The following EIF2AK4 variants were observed in gnomAD, a reference collection of about 807,000 sequenced individuals.
EIF2AK4 encodes eukaryotic translation initiation factor 2 alpha kinase 4, also known as eIF-2-alpha kinase GCN2.
Under a neutral mutation model 211.1 loss-of-function variants are expected in EIF2AK4, and 139 were observed. That is an observed-to-expected ratio of 0.66 (90% CI 0.57 to 0.76). The LOEUF (loss-of-function observed/expected upper bound fraction) is 0.76, where lower values mean the gene tolerates loss of function less well. Ranked by LOEUF, EIF2AK4 falls within the 30% of genes least tolerant of loss-of-function variation. The probability of loss-of-function intolerance (pLI) is 0.00; values close to 1 mark genes in which losing one functional copy is unlikely to be tolerated. For synonymous variants in EIF2AK4, 710 were observed against 751.3 expected, an observed-to-expected ratio of 0.94 and a Z score of 0.90; for missense variants, 1,664 against 2,043.8, an observed-to-expected ratio of 0.81 and a Z score of 3.58.
chr15:39,972,298 T>G (rs1305462833), intron 9 of EIF2AK4, among the ~76,000 whole-genome samples: 1 of 148,146 alleles, frequency 6.8e-6, no homozygotes, highest in African/African-American at 2.5e-5. Flanking sequence ...TGGAATGAGC[T>G]GAGATCACAC....
rs183214101 is a variant in EIF2AK4 at position 39,981,220 on chromosome 15, A to T, written c.2319+3073A>T. On this transcript the variant is annotated intron_variant, in intron 13 of 38. Coordinates refer to ENST00000263791, the MANE Select transcript of EIF2AK4 (RefSeq NM_001013703.4). ...CCCCATCTCTACTAAAAATACAAAA[A>T]TTAGCCAGGCATGGTGGCGGGCACC... 2.6e-5 allele frequency among the ~76,000 whole-genome samples: 4 copies of T among 152,224 alleles called. 1 individual carries two copies. The highest frequency in any genetic ancestry group is 2.6e-4 in the Admixed American group (4 of 15,294).
chr15:40,011,130 A>T (rs1250759861), intron 26 of EIF2AK4, 151 bp from the exon 27 acceptor site: 3 of 527,336 alleles, frequency 5.7e-6, no homozygotes, highest in East Asian at 6.6e-5. Context: ...GGGAGAAAAA[A>T]TTTTTTAATC....
In EIF2AK4 at chr15:39,951,379, C is replaced by T. The variant is rs573102058; in HGVS notation, c.513+2111C>T. On this transcript the variant is annotated intron_variant, in intron 4 of 38. Coordinates refer to ENST00000263791, the MANE Select transcript of EIF2AK4 (RefSeq NM_001013703.4). ...CCCACAGTGGATTCTTAAGCACGCTCTCCATGTATGTGTCATGCTAGCTGG... is the reference window on the plus strand; with the variant it reads ...CCCACAGTGGATTCTTAAGCACGCTTTCCATGTATGTGTCATGCTAGCTGG... 1.0e-4 allele frequency: 27 copies of T among 266,946 alleles called. No homozygotes were observed. The Admixed American group carries it at 1.2e-3, about 12-fold the overall frequency. 16.5% of individuals were successfully genotyped at this position (266,946 alleles called of 1,614,324 possible).
chr15:39,995,034 G>T (rs546742226), intron 18 of EIF2AK4, among the ~76,000 whole-genome samples: 1 of 151,982 alleles, frequency 6.6e-6, no homozygotes, highest in Non-Finnish European at 1.5e-5. Context: ...TAGAGACAGG[G>T]TTTCACCATG....
intron 36 of EIF2AK4, 67 bp from the exon 37 acceptor site, chr15:40,032,690 G>C: frequency 6.8e-7 from 1 of 1,460,324 alleles, no homozygotes; most frequent in Non-Finnish European, 9.5e-7. Flanking sequence ...TGCATTTCAC[G>C]TGACACTATG....
intron 3 of EIF2AK4, among the ~76,000 whole-genome samples, chr15:39,944,809 C>G (rs958857904): frequency 1.3e-5 from 2 of 152,190 alleles, no homozygotes; most frequent in African/African-American, 4.8e-5. Flanking sequence ...TTAGACATAA[C>G]CAAAGATAAC....
At chr15:39,953,679 C>T (rs2034351109) in intron 4 of EIF2AK4, among the ~76,000 whole-genome samples, 2 of 152,150 alleles carry the variant, frequency 1.3e-5, no homozygotes, top group African/African-American at 4.8e-5. Context: ...AGTAAATGCC[C>T]CTCCCCACAC....
intron 33 of EIF2AK4, among the ~76,000 whole-genome samples, chr15:40,028,606 A>G (rs1378768367): frequency 6.6e-6 from 1 of 152,160 alleles, no homozygotes; most frequent in African/African-American, 2.4e-5. Flanking sequence ...ATCCTGGCTT[A>G]CAGAAAACAA....
chr15:39,941,035 G>C (rs1158700887), intron 2 of EIF2AK4, among the ~76,000 whole-genome samples: 2 of 152,108 alleles, frequency 1.3e-5, no homozygotes, highest in African/African-American at 4.8e-5. Context: ...TATTATGAAG[G>C]GTAAGGTGTG....
At chr15:39,980,863 T>G (rs1369800348) in intron 13 of EIF2AK4, among the ~76,000 whole-genome samples, 1 of 152,092 alleles carries the variant, frequency 6.6e-6, no homozygotes, top group African/African-American at 2.4e-5. Context: ...CTGCAATGAC[T>G]TTATTACCAG....
At chr15:40,025,766 A>G (rs2140948675) in intron 32 of EIF2AK4, among the ~76,000 whole-genome samples, 1 of 152,320 alleles carries the variant, frequency 6.6e-6, no homozygotes. Context: ...CCTGTGCATT[A>G]ACAGCATCTC....
intron 19 of EIF2AK4, 81 bp from the exon 20 acceptor site, chr15:39,998,650 T>C: frequency 8.9e-7 from 1 of 1,123,432 alleles, no homozygotes; most frequent in Non-Finnish European, 1.3e-6. Flanking sequence ...TTTCTGTATT[T>C]GATTTTCTTA....
At chr15:40,014,414 T>C (rs1177112752) in intron 27 of EIF2AK4, among the ~76,000 whole-genome samples, 2 of 152,234 alleles carry the variant, frequency 1.3e-5, no homozygotes, top group African/African-American at 4.8e-5. Context: ...TCAATTCTTG[T>C]TTTCCGTGCA....
chr15:39,975,569 G>C (rs571742881), intron 11 of EIF2AK4: 3 of 152,222 alleles, frequency 2.0e-5, no homozygotes, highest in Non-Finnish European at 1.5e-5. Flanking sequence ...ATAAGACTCT[G>C]TAAAAGTTAC....
At chr15:39,986,575 C>T (rs187180022) in intron 14 of EIF2AK4, among the ~76,000 whole-genome samples, 5 of 152,298 alleles carry the variant, frequency 3.3e-5, no homozygotes, top group East Asian at 1.9e-4. Context: ...ACAAGTTGGC[C>T]GGGCACGGTG....
intron 20 of EIF2AK4, among the ~76,000 whole-genome samples, chr15:39,999,339 G>A (rs1009696053): frequency 2.0e-5 from 3 of 152,026 alleles, no homozygotes; most frequent in African/African-American, 7.2e-5. Context: ...AATATTATTG[G>A]TGAATGTGTG....
At chr15:40,021,990 A>G (rs11635537) in intron 31 of EIF2AK4, 41,337 of 152,246 alleles carry the variant, frequency 0.27, 6,331 homozygotes, top group South Asian at 0.35. Flanking sequence ...CTACTTGTTC[A>G]CATGTTTCAT....
chr15:39,977,026 A>G lies in EIF2AK4; in HGVS notation c.2249+182A>G, dbSNP rs889518306. 4 of 645,966 alleles carry G rather than the reference A, an allele frequency of 6.2e-6. No homozygotes were observed. In the Admixed American group the frequency reaches 1.3e-4, roughly 21 times the overall value. The allele number at this position is 645,966 out of a possible 1,614,324, so 40.0% of individuals were successfully genotyped here. ...AGGTCAGTGGCGCGTCCTTGGCTGCAACATCCGCCTCCCGGGCCAGCGAAT... is the reference window on the plus strand; with the variant it reads ...AGGTCAGTGGCGCGTCCTTGGCTGCGACATCCGCCTCCCGGGCCAGCGAAT... On this transcript the variant is annotated intron_variant, in intron 12 of 38. Coordinates refer to ENST00000263791, the MANE Select transcript of EIF2AK4 (RefSeq NM_001013703.4).
chr15:40,013,502 C>T (rs184995658), intron 27 of EIF2AK4, among the ~76,000 whole-genome samples: 11 of 151,722 alleles, frequency 7.3e-5, no homozygotes, highest in South Asian at 4.2e-4. Context: ...GCAGAAGGCA[C>T]GGAGGAGCAA....
Sources: allele counts gnomAD v4.1 joint callset (sites outside exome capture counted in the v4.1 genomes callset), GRCh38; gene constraint gnomAD v4.1.1; transcripts MANE v1.5; gene names NCBI Gene and HGNC (gene_info 2026-07-23, HGNC 2026-07-21).